The following DNAAF11 variants were observed in gnomAD, a reference collection of about 807,000 sequenced individuals.
The protein encoded by DNAAF11 is dynein axonemal assembly factor 11, also known as leucine rich repeat containing 6.
A neutral mutation model predicts 60.8 loss-of-function variants in DNAAF11; 45 were observed. The observed-to-expected ratio is 0.74, with a 90% CI of 0.58 to 0.95. DNAAF11 has a LOEUF of 0.95. Ranked by LOEUF, DNAAF11 falls within the 40% of genes least tolerant of loss-of-function variation. The pLI, the probability that DNAAF11 is intolerant of heterozygous loss-of-function variation, is 0.00. For missense variants in DNAAF11, 546 were observed against 546.2 expected (o/e 1.00, Z 0.00); for synonymous variants, 191 against 183.5 (o/e 1.04, Z -0.33).
Position 132,637,962 on chromosome 8 carries a change from G to A in DNAAF11, c.402C>T (p.Phe134=), listed in dbSNP as rs978054244. Residue 134 remains phenylalanine (F), a synonymous_variant, in exon 4 of 12, where the codon TTC becomes TTT. Transcript: ENST00000620350. The part of the protein sequence containing the change: ...PCASFDHYRE[F]VVATLPQLKW... Reference sequence around the variant, plus strand: ...TTAATTGTGGAAGAGTTGCTACCACGAACTCCCTATAGTGGTCAAAGGAAG... The same window carrying A: ...TTAATTGTGGAAGAGTTGCTACCACAAACTCCCTATAGTGGTCAAAGGAAG... 1.2e-5 allele frequency: 19 copies of A among 1,610,382 alleles called. No individual in the cohort carries two copies. Among genetic ancestry groups the A allele is most frequent in the Admixed American group, 8.4e-5 (5 of 59,418 alleles).
At chr8:132,686,045 A>G in the DNAAF11 span, among the ~76,000 whole-genome samples, 2 of 152,210 alleles carry the variant, frequency 1.3e-5, no homozygotes, top group Non-Finnish European at 2.9e-5. Context: ...ACAAATAAAT[A>G]CCACAAGAAA....
At chr8:132,694,981 T>C in the DNAAF11 span, among the ~76,000 whole-genome samples, 1 of 152,084 alleles carries the variant, frequency 6.6e-6, no homozygotes, top group Non-Finnish European at 1.5e-5. Context: ...AGAAGCCAAG[T>C]GGGAAAAGTG....
chr8:132,646,504 A>T (rs1177144077), intron 3 of DNAAF11, among the ~76,000 whole-genome samples: 2 of 152,230 alleles, frequency 1.3e-5, no homozygotes, highest in African/African-American at 2.4e-5. Flanking sequence ...CTTAAATGTA[A>T]ATAGGCTAAA....
chr8:132,690,078 T>C, the DNAAF11 span, among the ~76,000 whole-genome samples: 9 of 152,242 alleles, frequency 5.9e-5, no homozygotes, highest in African/African-American at 1.9e-4. Flanking sequence ...TATTTTTAAT[T>C]AAATTTTAAT....
At chr8:132,587,785 T>A (rs1586490326) in intron 10 of DNAAF11, among the ~76,000 whole-genome samples, 1 of 152,228 alleles carries the variant, frequency 6.6e-6, no homozygotes, top group East Asian at 1.9e-4. Flanking sequence ...AACATTTTAA[T>A]AATGTTACAT....
chr8:132,637,992 TG>T lies in DNAAF11; in HGVS notation c.371del (p.Pro124HisfsTer13). 1 of 1,614,128 alleles carries T rather than the reference TG, an allele frequency of 6.2e-7. No individual in the cohort carries two copies. The highest frequency in any genetic ancestry group is 8.5e-7 in the Non-Finnish European group (1 of 1,179,966). On this transcript the variant is annotated frameshift_variant, in exon 4 of 12. Coordinates refer to ENST00000620350, the MANE Select transcript of DNAAF11 (RefSeq NM_012472.6). LOFTEE classifies it high-confidence loss of function. Reference protein sequence around the residue: ...HLKELFLMGNPCASFDHYREF... With the variant: ...HLKELFLMGNXCASFDHYREF... Reference sequence around the variant, plus strand: ...CCCTATAGTGGTCAAAGGAAGCACATGGGTTCCCCATGAGAAAGAGCTCCTT... The same window carrying T: ...CCCTATAGTGGTCAAAGGAAGCACATGGTTCCCCATGAGAAAGAGCTCCTT...
intron 11 of DNAAF11, among the ~76,000 whole-genome samples, chr8:132,577,008 T>C (rs1170900185): frequency 6.6e-6 from 1 of 152,196 alleles, no homozygotes; most frequent in Non-Finnish European, 1.5e-5. Flanking sequence ...TTGAGTGCAA[T>C]ACATGTATAG....
chr8:132,616,127 T>G (rs777702363), intron 7 of DNAAF11, among the ~76,000 whole-genome samples: 4 of 152,088 alleles, frequency 2.6e-5, no homozygotes, highest in Admixed American at 2.0e-4. Flanking sequence ...AGATTGCTAT[T>G]TAGTTGCTAT....
chr8:132,655,752 A>T (rs913546176), intron 3 of DNAAF11, among the ~76,000 whole-genome samples: 3 of 136,834 alleles, frequency 2.2e-5, no homozygotes, highest in Non-Finnish European at 4.7e-5. Flanking sequence ...ACGCAAATCA[A>T]ATCAGAAGCA....
chr8:132,622,354 T>G (rs1207049848), intron 7 of DNAAF11, among the ~76,000 whole-genome samples: 1 of 152,222 alleles, frequency 6.6e-6, no homozygotes, highest in Non-Finnish European at 1.5e-5. Flanking sequence ...GTCCAAAGTT[T>G]CATGGGGTAC....
At chr8:132,625,198 CA>C in intron 6 of DNAAF11, 73 bp downstream of exon 6, 1 of 1,182,748 alleles carries the variant, frequency 8.5e-7, no homozygotes, top group Admixed American at 2.8e-5. Flanking sequence ...AATAATGGGT[CA>C]AAAAATGGGC....
At chr8:132,595,654 CAAAAT>C (rs959423944) in intron 10 of DNAAF11, among the ~76,000 whole-genome samples, 2 of 152,034 alleles carry the variant, frequency 1.3e-5, no homozygotes, top group African/African-American at 2.4e-5. Flanking sequence ...AGAAACAAAA[CAAAAT>C]GTTTATCCAG....
chr8:132,583,383 G>C (rs1815533860), intron 11 of DNAAF11, among the ~76,000 whole-genome samples: 1 of 152,050 alleles, frequency 6.6e-6, no homozygotes, highest in Non-Finnish European at 1.5e-5. Context: ...ATTTAATATG[G>C]GTAAAGCACA....
intron 5 of DNAAF11, among the ~76,000 whole-genome samples, chr8:132,629,414 C>T (rs568477214): frequency 6.7e-6 from 1 of 150,354 alleles, no homozygotes; most frequent in South Asian, 2.1e-4. Context: ...GTGGCCCAAT[C>T]TCGGCTCACT....
chr8:132,664,546 C>G (rs1466821898), intron 1 of DNAAF11, among the ~76,000 whole-genome samples: 1 of 152,174 alleles, frequency 6.6e-6, no homozygotes, highest in Non-Finnish European at 1.5e-5. Flanking sequence ...TTACAGTTTG[C>G]TGCAGCCCAG....
intron 11 of DNAAF11, among the ~76,000 whole-genome samples, chr8:132,574,114 A>G (rs6990406): frequency 0.17 from 26,510 of 152,202 alleles, 3,814 homozygotes; most frequent in African/African-American, 0.4. Flanking sequence ...CGGTGCCACA[A>G]TATTCACTGA....
intron 10 of DNAAF11, among the ~76,000 whole-genome samples, chr8:132,586,611 C>A (rs1815926233): frequency 6.6e-6 from 1 of 152,134 alleles, no homozygotes; most frequent in South Asian, 2.1e-4. Context: ...TCCTTCCTTA[C>A]CATGCCTGGG....
At chr8:132,668,562 C>A (rs567682552) in intron 1 of DNAAF11, among the ~76,000 whole-genome samples, 1 of 152,214 alleles carries the variant, frequency 6.6e-6, no homozygotes, top group East Asian at 1.9e-4. Context: ...CCTCAGACTC[C>A]CCAGTAGCTG....
chr8:132,624,091 T>G (rs1820017315), intron 6 of DNAAF11, among the ~76,000 whole-genome samples: 1 of 152,194 alleles, frequency 6.6e-6, no homozygotes, highest in Admixed American at 6.5e-5. Flanking sequence ...TAGATATTAT[T>G]TCTACATACC....
Sources: gnomAD v4.1 joint callset for allele counts (sites outside exome capture counted in the v4.1 genomes callset) on GRCh38, gnomAD v4.1.1 for gene constraint, MANE v1.5 for transcripts, NCBI Gene and HGNC (gene_info 2026-07-23, HGNC 2026-07-21) for gene names.